SLC8A1: variants seen among roughly 807,000 people sequenced by gnomAD.
SLC8A1 encodes the protein sodium/calcium exchanger 1.
SLC8A1 carries 18 observed loss-of-function variants against 68.3 expected under a neutral mutation model. That is an observed-to-expected ratio of 0.26 (90% confidence interval 0.18 to 0.39). The LOEUF (loss-of-function observed/expected upper bound fraction) is 0.39, where lower values mean the gene tolerates loss of function less well. SLC8A1 is among the 10% of genes least tolerant of loss of function. The probability of loss-of-function intolerance (pLI) is 1.00; values close to 1 mark genes in which losing one functional copy is unlikely to be tolerated. For synonymous variants in SLC8A1, 475 were observed against 415.5 expected, an observed-to-expected ratio of 1.14 and a Z score of -1.74; for missense variants, 985 against 1,156.7, an observed-to-expected ratio of 0.85 and a Z score of 2.15.
At position 40,222,252 on chromosome 2, in the gene SLC8A1, C is replaced by A. The variant is rs1401271929; in HGVS notation, c.1809-44397G>T. On this transcript the variant is annotated intron_variant, in intron 2 of 7. Transcript: ENST00000406785. ...CTACAACCATCTGATCTTTGACAAA[C>A]CTGACCAAAACAAGCAATGGGGAAA... Among the ~76,000 whole-genome samples the A allele has an allele frequency of 3.9e-5, 6 of 152,052 alleles. No individual in the cohort carries two copies. In the East Asian group the frequency reaches 1.2e-3, roughly 29 times the overall value.
intron 2 of SLC8A1, among the ~76,000 whole-genome samples, chr2:40,382,669 G>A (rs3060355): frequency 3.5e-5 from 3 of 85,244 alleles, no homozygotes; most frequent in African/African-American, 1.7e-4. Context: ...CATCTAAACT[G>A]AAAATCGTAT....
In SLC8A1 at chr2:40,259,145, T is replaced by C. The variant is rs568378122; in HGVS notation, c.1809-81290A>G. ...ATTTCTGGATGGCTCAGAGTTGAAA[T>C]GGACCCTAGAGGTAATAGAATCAAT... On this transcript the variant is annotated intron_variant, in intron 2 of 7. Coordinates refer to ENST00000406785, the Ensembl canonical transcript of SLC8A1. Among the ~76,000 whole-genome samples, 16 of 152,280 alleles carry C rather than the reference T, an allele frequency of 1.1e-4. No homozygotes were observed. In the South Asian group the frequency reaches 3.3e-3, roughly 32 times the overall value.
intron 2 of SLC8A1, among the ~76,000 whole-genome samples, chr2:40,234,294 C>A (rs1176781438): frequency 6.6e-6 from 1 of 151,514 alleles, no homozygotes; most frequent in South Asian, 2.1e-4. Flanking sequence ...GTTTGTAGTT[C>A]TCCTTGAAGA....
intron 1 of SLC8A1, among the ~76,000 whole-genome samples, chr2:40,460,304 C>T (rs1222814149): frequency 6.6e-6 from 1 of 152,142 alleles, no homozygotes; most frequent in Non-Finnish European, 1.5e-5. Context: ...TTCCACACAG[C>T]AAAGTGCATA....
rs1295055238 is a variant in SLC8A1 at position 40,279,688 on chromosome 2, T to C, written c.1809-101833A>G. Among the ~76,000 whole-genome samples the C allele has an allele frequency of 2.6e-5, 4 of 152,212 alleles. No homozygotes were observed. The East Asian group carries it at 5.8e-4, about 22-fold the overall frequency. ...GGAAATCCTATTTCAGTCCTTCTTT[T>C]AGGGGAAGAAGTCATTACATCAGCC... is the stretch of plus-strand genomic sequence containing the variant. On this transcript the variant is annotated intron_variant, in intron 2 of 7. Coordinates refer to ENST00000406785, the Ensembl canonical transcript of SLC8A1.
intron 7 of SLC8A1, among the ~76,000 whole-genome samples, chr2:40,138,534 G>C (rs985003009): frequency 6.6e-6 from 1 of 152,142 alleles, no homozygotes; most frequent in Non-Finnish European, 1.5e-5. Context: ...ATTAGTGCTG[G>C]AGACTAGATC....
chr2:40,456,671 T>C (rs917094463), upstream of SLC8A1, among the ~76,000 whole-genome samples: 2 of 152,224 alleles, frequency 1.3e-5, no homozygotes, highest in Non-Finnish European at 1.5e-5. Flanking sequence ...AAAATGTATA[T>C]AGGATGCTTG....
Position 40,174,685 on chromosome 2 carries a change from C to T in SLC8A1, c.1930+140G>A, listed in dbSNP as rs200420137. 5.9e-4 allele frequency: 881 copies of T among 1,489,260 alleles called. 1 individual carries two copies. Among genetic ancestry groups the T allele is most frequent in the Non-Finnish European group, 6.3e-4 (677 of 1,081,936 alleles). The allele number at this position is 1,489,260 out of a possible 1,614,324, so 92.3% of individuals were successfully genotyped here. A position where few individuals can be genotyped will look rare whatever the true frequency, so the allele number is the denominator to read the frequency against. ...AGGGTATTTGGGGAAAAATAAGGAACATTAAAAAAATAAGTCTTACCAAAC... is the reference window on the plus strand; with the variant it reads ...AGGGTATTTGGGGAAAAATAAGGAATATTAAAAAAATAAGTCTTACCAAAC... On this transcript the variant is annotated intron_variant, in intron 4 of 7. Transcript: ENST00000406785.
At chr2:40,339,786 G>A (rs967725743) in intron 2 of SLC8A1, among the ~76,000 whole-genome samples, 2 of 152,302 alleles carry the variant, frequency 1.3e-5, no homozygotes, top group Admixed American at 1.3e-4. Context: ...TATCTAAATA[G>A]ATGGATGGAT....
chr2:40,334,708 T>C (rs1323378752), intron 2 of SLC8A1, among the ~76,000 whole-genome samples: 2 of 152,158 alleles, frequency 1.3e-5, no homozygotes, highest in East Asian at 1.9e-4. Flanking sequence ...GGCAAAATTA[T>C]CAGATCATTG....
In SLC8A1 at chr2:40,360,147, T is replaced by G. The variant is rs1263808802; in HGVS notation, c.1808+68326A>C. On this transcript the variant is annotated intron_variant, in intron 2 of 7. Coordinates refer to ENST00000406785, the Ensembl canonical transcript of SLC8A1. ...AGGTAAGTAAAATGAGGCTCAAAAT[T>G]GATTGAAGTTCCACGAAGACAGAAA... 2.0e-5 allele frequency among the ~76,000 whole-genome samples: 3 copies of G among 152,086 alleles called. No homozygotes were observed. The East Asian group carries it at 5.8e-4, about 29-fold the overall frequency.
chr2:40,332,233 T>C (rs551699948), intron 2 of SLC8A1, among the ~76,000 whole-genome samples: 3 of 152,286 alleles, frequency 2.0e-5, no homozygotes, highest in African/African-American at 7.2e-5. Context: ...GTCTACGTAA[T>C]TCCCTTTACA....
At chr2:40,299,010 G>T (rs1166841752) in intron 2 of SLC8A1, among the ~76,000 whole-genome samples, 6 of 152,150 alleles carry the variant, frequency 3.9e-5, no homozygotes, top group African/African-American at 1.2e-4. Flanking sequence ...ATCTACTTGG[G>T]GAGGAGGCCT....
chr2:40,181,513 C>T (rs2049560941), intron 2 of SLC8A1, among the ~76,000 whole-genome samples: 1 of 152,154 alleles, frequency 6.6e-6, no homozygotes, highest in African/African-American at 2.4e-5. Context: ...TGCATAATGG[C>T]ATATCATTTC....
intron 2 of SLC8A1, among the ~76,000 whole-genome samples, chr2:40,215,200 CTCTG>C (rs2057269265): frequency 6.6e-6 from 1 of 152,098 alleles, no homozygotes; most frequent in African/African-American, 2.4e-5. Flanking sequence ...TAGGATCTTA[CTCTG>C]TCTCAGGCTG....
intron 2 of SLC8A1, among the ~76,000 whole-genome samples, chr2:40,401,680 C>A (rs1165335596): frequency 1.3e-5 from 2 of 150,264 alleles, no homozygotes; most frequent in African/African-American, 4.9e-5. Context: ...GTCATGAAAC[C>A]AAAGCAGATT....
At chr2:40,301,744 T>A (rs989202646) in intron 2 of SLC8A1, among the ~76,000 whole-genome samples, 5 of 152,188 alleles carry the variant, frequency 3.3e-5, no homozygotes, top group Non-Finnish European at 5.9e-5. Context: ...AATTCTTTTT[T>A]AAATTTTTCA....
chr2:40,482,224 C>T (rs892407136), intron 1 of SLC8A1, among the ~76,000 whole-genome samples: 1 of 152,166 alleles, frequency 6.6e-6, no homozygotes, highest in African/African-American at 2.4e-5. Flanking sequence ...AGTTGGGCCA[C>T]TCTCTCCAGA....
At chr2:40,224,015 G>C (rs1325088495) in intron 2 of SLC8A1, among the ~76,000 whole-genome samples, 5 of 152,174 alleles carry the variant, frequency 3.3e-5, no homozygotes, top group African/African-American at 1.2e-4. Flanking sequence ...CTATTTAAGT[G>C]ATGTGGGCCC....
Sources: gnomAD v4.1 joint callset for allele counts (sites outside exome capture counted in the v4.1 genomes callset) on GRCh38, gnomAD v4.1.1 for gene constraint, MANE v1.5 for transcripts, NCBI Gene and HGNC (gene_info 2026-07-23, HGNC 2026-07-21) for gene names.